Variants in STRN3 observed in about 807,000 individuals in gnomAD.
STRN3 encodes striatin-3.
In STRN3, 29 loss-of-function variants were observed where a neutral mutation model predicts 95.6. The observed-to-expected ratio is 0.30, with a 90% CI of 0.23 to 0.41. The LOEUF (loss-of-function observed/expected upper bound fraction) is 0.41. Ranked by LOEUF, STRN3 falls within the 10% of genes least tolerant of loss-of-function variation. The pLI is 1.00. For missense variants in STRN3, 890 were observed against 972.1 expected (o/e 0.92, Z 1.12); for synonymous variants, 331 against 357.6 (o/e 0.93, Z 0.84).
intron 1 of STRN3, among the ~76,000 whole-genome samples, chr14:31,005,188 C>T (rs1037518262): frequency 1.4e-4 from 21 of 151,986 alleles, no homozygotes; most frequent in African/African-American, 4.3e-4. Flanking sequence ...AAAAATTAGC[C>T]GGGCATGGTG....
chr14:30,963,451 C>G (rs1182290265), intron 1 of STRN3, among the ~76,000 whole-genome samples: 1 of 152,206 alleles, frequency 6.6e-6, no homozygotes, highest in East Asian at 1.9e-4. Flanking sequence ...TTCTATCACC[C>G]AGGCTGGAGT....
chr14:31,025,484 G>A (rs1177308388), intron 1 of STRN3: 29 of 191,740 alleles, frequency 1.5e-4, no homozygotes, highest in Admixed American at 2.7e-4. Context: ...GGGGTAAGAT[G>A]CCTATCCTAG....
intron 8 of STRN3, among the ~76,000 whole-genome samples, chr14:30,927,755 C>T (rs964846873): frequency 1.3e-5 from 2 of 151,446 alleles, no homozygotes; most frequent in South Asian, 2.1e-4. Flanking sequence ...AGTAAATCTC[C>T]GTCTCTACTA....
chr14:30,986,951 G>T lies in STRN3; in HGVS notation c.283-30709C>A, dbSNP rs776002199. On this transcript the variant is annotated intron_variant, in intron 1 of 17. Coordinates refer to ENST00000357479, the MANE Select transcript of STRN3 (RefSeq NM_001083893.2). ...AAAAAGTTCATTTTTTTATATTTTG[G>T]TATCTCCATTTATTTCACTGTATGG... Among the ~76,000 whole-genome samples, 4 of 151,912 alleles carry T rather than the reference G, an allele frequency of 2.6e-5. No individual in the cohort carries two copies. In the East Asian group the frequency reaches 5.8e-4, roughly 22 times the overall value.
At chr14:30,981,952 C>A (rs888609573) in intron 1 of STRN3, among the ~76,000 whole-genome samples, 1 of 151,638 alleles carries the variant, frequency 6.6e-6, no homozygotes, top group Non-Finnish European at 1.5e-5. Flanking sequence ...AAAATTAGCC[C>A]AGGCATGATG....
chr14:30,911,914 G>A, intron 11 of STRN3, 90 bp from the exon 12 acceptor site: 2 of 1,552,938 alleles, frequency 1.3e-6, no homozygotes, highest in South Asian at 2.4e-5. Flanking sequence ...TAGATCAAAT[G>A]TGTGCATTAA....
intron 1 of STRN3, 196 bp downstream of exon 1, chr14:31,025,708 G>C (rs981882228): frequency 2.5e-5 from 20 of 810,830 alleles, no homozygotes; most frequent in Non-Finnish European, 3.4e-5. Flanking sequence ...TGAAGGTTGG[G>C]GAGCAAGCTT....
chr14:31,024,984 A>G (rs182584387), intron 1 of STRN3: 25 of 152,362 alleles, frequency 1.6e-4, no homozygotes, highest in African/African-American at 6.0e-4. Flanking sequence ...CAGCCTATCA[A>G]AGGTTCACAT....
At chr14:30,998,765 G>GC (rs1219324664) in intron 1 of STRN3, among the ~76,000 whole-genome samples, 3 of 492 alleles carry the variant, frequency 6.1e-3, no homozygotes, top group African/African-American at 8.6e-3. Context: ...AAATAACCCT[G>GC]GGGGGTGGGT....
chr14:31,010,963 C>G (rs1276295455), intron 1 of STRN3, among the ~76,000 whole-genome samples: 1 of 152,170 alleles, frequency 6.6e-6, no homozygotes, highest in Non-Finnish European at 1.5e-5. Flanking sequence ...CACTTGAACC[C>G]AGGCAGCAGA....
intron 13 of STRN3, among the ~76,000 whole-genome samples, chr14:30,907,787 T>C (rs1334319793): frequency 6.6e-6 from 1 of 152,188 alleles, no homozygotes; most frequent in Non-Finnish European, 1.5e-5. Flanking sequence ...GGATATACCA[T>C]ATTTTATTTA....
At chr14:30,997,531 C>G (rs989745022) in intron 1 of STRN3, among the ~76,000 whole-genome samples, 62 of 152,286 alleles carry the variant, frequency 4.1e-4, no homozygotes, top group African/African-American at 1.5e-3. Context: ...CCATGGAAAC[C>G]CTAATAAAGG....
At chr14:30,975,554 AAAAG>A (rs1377410727) in intron 1 of STRN3, among the ~76,000 whole-genome samples, 1 of 131,898 alleles carries the variant, frequency 7.6e-6, no homozygotes, top group Non-Finnish European at 1.7e-5. Flanking sequence ...AAAAAAAAAA[AAAAG>A]AAGAAGAAAG....
At chr14:30,923,282 A>T (rs978742635) in intron 8 of STRN3, among the ~76,000 whole-genome samples, 1 of 152,176 alleles carries the variant, frequency 6.6e-6, no homozygotes, top group African/African-American at 2.4e-5. Flanking sequence ...GTTTTCTTGG[A>T]TCTGGAATAG....
intron 16 of STRN3, among the ~76,000 whole-genome samples, chr14:30,897,658 T>A (rs1896195103): frequency 6.6e-6 from 1 of 152,136 alleles, no homozygotes; most frequent in Non-Finnish European, 1.5e-5. Context: ...TTTAAAAAAA[T>A]TAAAGTCAAA....
chr14:30,970,594 A>T (rs188954777), intron 1 of STRN3, among the ~76,000 whole-genome samples: 5 of 151,998 alleles, frequency 3.3e-5, no homozygotes, highest in Non-Finnish European at 7.4e-5. Flanking sequence ...TCAAGGACAG[A>T]CCCTATTGGA....
At chr14:30,985,393 C>T (rs991492852) in intron 1 of STRN3, among the ~76,000 whole-genome samples, 4 of 151,798 alleles carry the variant, frequency 2.6e-5, no homozygotes, top group African/African-American at 7.3e-5. Flanking sequence ...GACCTGAGGT[C>T]GGGAGTTCGA....
chr14:30,955,842 G>GA (rs1032766654), intron 2 of STRN3, 149 bp from the exon 3 acceptor site: 38 of 650,214 alleles, frequency 5.8e-5, no homozygotes, highest in Middle Eastern at 4.5e-4. Flanking sequence ...TGCTGTAAAA[G>GA]AAAAAAAAGG....
At chr14:30,971,898 T>TA in intron 1 of STRN3, among the ~76,000 whole-genome samples, 3 of 152,272 alleles carry the variant, frequency 2.0e-5, no homozygotes, top group Admixed American at 2.0e-4. Flanking sequence ...CAGAGGCTCA[T>TA]AAAAATGGCA....
Sources: gnomAD v4.1 joint callset for allele counts (sites outside exome capture counted in the v4.1 genomes callset) on GRCh38, gnomAD v4.1.1 for gene constraint, MANE v1.5 for transcripts, NCBI Gene and HGNC (gene_info 2026-07-23, HGNC 2026-07-21) for gene names.